PXK: variants seen among roughly 807,000 people sequenced by gnomAD.
PXK encodes the protein PX domain-containing protein kinase-like protein.
In PXK, 35 loss-of-function variants were observed where a neutral mutation model predicts 84.7. The observed-to-expected ratio is 0.41, with a 90% CI of 0.32 to 0.55. The LOEUF is 0.55. PXK is among the 20% of genes least tolerant of loss of function. The pLI is 0.21. For missense variants in PXK, 634 were observed against 699.7 expected, an observed-to-expected ratio of 0.91 and a Z score of 1.06; for synonymous variants, 253 against 260.8, an observed-to-expected ratio of 0.97 and a Z score of 0.29.
chr3:58,378,475 T>G, intron 3 of PXK, among the ~76,000 whole-genome samples: 1 of 147,702 alleles, frequency 6.8e-6, no homozygotes, highest in Non-Finnish European at 1.5e-5. Context: ...TCATTGGATT[T>G]GGACTTCATT....
chr3:58,382,829 G>A, intron 4 of PXK, 129 bp downstream of exon 4: 1 of 644,154 alleles, frequency 1.6e-6, no homozygotes, highest in Non-Finnish European at 2.4e-6. Flanking sequence ...AGCATATTAT[G>A]AATTTACTAA....
Position 58,382,768 on chromosome 3 carries a change from G to A in PXK, c.388+68G>A, listed in dbSNP as rs1207571067. 9.4e-6 allele frequency: 11 copies of A among 1,173,350 alleles called. No individual in the cohort carries two copies. In the South Asian group the frequency reaches 9.5e-5, roughly 10 times the overall value. The allele number at this position is 1,173,350 out of a possible 1,614,324, so 72.7% of individuals were successfully genotyped here. A position where few individuals can be genotyped will look rare whatever the true frequency, so the allele number is the denominator to read the frequency against. On this transcript the variant is annotated intron_variant, in intron 4 of 17. Coordinates refer to ENST00000356151, the MANE Select transcript of PXK (RefSeq NM_017771.5). ...GGCACTGTCCCTTGCTGGAGATAACGTATGTGGGAGAAATGTTTTCTCAAA... is the reference window on the plus strand; with the variant it reads ...GGCACTGTCCCTTGCTGGAGATAACATATGTGGGAGAAATGTTTTCTCAAA...
At chr3:58,338,444 G>A (rs754488324) in intron 1 of PXK, among the ~76,000 whole-genome samples, 14 of 151,214 alleles carry the variant, frequency 9.3e-5, no homozygotes, top group Admixed American at 5.3e-4. Context: ...CCAACGTGGT[G>A]AAACCCTGTC....
At chr3:58,353,827 G>A (rs1575855273) in intron 1 of PXK, among the ~76,000 whole-genome samples, 1 of 152,188 alleles carries the variant, frequency 6.6e-6, no homozygotes, top group African/African-American at 2.4e-5. Flanking sequence ...AGGAGGGTTT[G>A]CATGGGAAGA....
At chr3:58,420,916 T>C (rs1182433415) in intron 17 of PXK, 3 of 1,118,744 alleles carry the variant, frequency 2.7e-6, no homozygotes, top group Non-Finnish European at 3.3e-6. Flanking sequence ...AAAATGTTGA[T>C]TCCTAGTTAC....
chr3:58,409,892 C>T lies in PXK; in HGVS notation c.1396-198C>T, dbSNP rs2059944435. ...AACGATTGGCCTGAGATAGTAAAGT[C>T]AGCATTTTTTGTTTTATTTCTGCCT... On this transcript the variant is annotated intron_variant, in intron 15 of 17. Transcript: ENST00000356151. The surrounding 1 kb of genome is among the most constrained non-coding windows in gnomAD (Gnocchi z 4.2). Among the ~76,000 whole-genome samples, 1 of 152,124 alleles carries T rather than the reference C, an allele frequency of 6.6e-6. No individual in the cohort carries two copies. Among genetic ancestry groups the T allele is most frequent in the African/African-American group, 2.4e-5 (1 of 41,404 alleles).
In PXK at chr3:58,384,461, C is replaced by G. The variant is rs1261731374; in HGVS notation, c.388+1761C>G. ...TACCAAATGGAGCAGTGAGTTGTTA[C>G]AAGGATTCCATTCCTGCCTTCACTT... On this transcript the variant is annotated intron_variant, in intron 4 of 17. Coordinates refer to ENST00000356151, the MANE Select transcript of PXK (RefSeq NM_017771.5). Among the ~76,000 whole-genome samples the G allele has an allele frequency of 2.8e-5, 4 of 142,866 alleles. No individual in the cohort carries two copies. The East Asian group carries it at 8.3e-4, about 30-fold the overall frequency. The allele number at this position is 142,866 out of a possible 152,430, so 93.7% of individuals were successfully genotyped here. A position where few individuals can be genotyped will look rare whatever the true frequency, so the allele number is the denominator to read the frequency against.
At chr3:58,339,927 G>A (rs1362131528) in intron 1 of PXK, among the ~76,000 whole-genome samples, 1 of 151,888 alleles carries the variant, frequency 6.6e-6, no homozygotes, top group South Asian at 2.1e-4. Flanking sequence ...CGATTCTCCT[G>A]CGTCAGCCTC....
Position 58,412,750 on chromosome 3 carries a change from C to G in PXK, c.1466-151C>G. On this transcript the variant is annotated intron_variant, in intron 16 of 17. Transcript: ENST00000356151. This position sits in a 1 kb window ranked among gnomAD's most constrained non-coding sequence, Gnocchi z 6.2. ...GTAAAAGCCTGTCACTGGGTCCGGTCTCTGAGTTTTTTGTCCCTCATCATC... is the reference window on the plus strand; with the variant it reads ...GTAAAAGCCTGTCACTGGGTCCGGTGTCTGAGTTTTTTGTCCCTCATCATC... 7.9e-6 allele frequency: 6 copies of G among 754,958 alleles called. No homozygotes were observed. The highest frequency in any genetic ancestry group is 3.2e-5 in the South Asian group (2 of 61,576). 46.8% of individuals were successfully genotyped at this position (754,958 alleles called of 1,614,324 possible). A position where few individuals can be genotyped will look rare whatever the true frequency, so the allele number is the denominator to read the frequency against.
At chr3:58,423,591 G>C in intron 17 of PXK, 3 of 1,522,830 alleles carry the variant, frequency 2.0e-6, no homozygotes, top group Non-Finnish European at 1.8e-6. Context: ...TTCTGAGCCA[G>C]TCGTCCATAC....
At chr3:58,373,083 CT>C (rs71091374) in intron 3 of PXK, among the ~76,000 whole-genome samples, 142 of 139,172 alleles carry the variant, frequency 1.0e-3, no homozygotes, top group Admixed American at 1.5e-3. Context: ...TCCGTCATTT[CT>C]TTTTTTTTTT....
At chr3:58,342,634 C>CAAAAAAAAAAAAAAAAAAAAAAA (rs71091369) in intron 1 of PXK, among the ~76,000 whole-genome samples, 3 of 113,464 alleles carry the variant, frequency 2.6e-5, no homozygotes, top group African/African-American at 3.2e-5. Flanking sequence ...GACTCTGTCT[C>CAAAAAAAAAAAAAAAAAAAAAAA]AAAAAAAAAA....
intron 12 of PXK, among the ~76,000 whole-genome samples, chr3:58,402,324 C>T (rs1381880341): frequency 6.8e-6 from 1 of 146,896 alleles, no homozygotes; most frequent in Non-Finnish European, 1.5e-5. Context: ...ATCTTAAACT[C>T]CTGAGCTCAA....
At chr3:58,355,412 T>C (rs2098053107) in intron 1 of PXK, among the ~76,000 whole-genome samples, 2 of 152,224 alleles carry the variant, frequency 1.3e-5, no homozygotes, top group Admixed American at 1.3e-4. Flanking sequence ...GAGAATTACG[T>C]GGGCTAGGCT....
At chr3:58,368,640 A>C (rs1034914075) in intron 2 of PXK, among the ~76,000 whole-genome samples, 1 of 152,036 alleles carries the variant, frequency 6.6e-6, no homozygotes, top group Non-Finnish European at 1.5e-5. Context: ...AGGCCTTCTA[A>C]TCTCCTTTAG....
chr3:58,353,036 A>G (rs1038373923), intron 1 of PXK, among the ~76,000 whole-genome samples: 4 of 151,688 alleles, frequency 2.6e-5, no homozygotes, highest in African/African-American at 7.3e-5. Context: ...TTGCTCTGTC[A>G]CCCAGGCTGG....
intron 1 of PXK, among the ~76,000 whole-genome samples, chr3:58,339,815 A>AT (rs766660671): frequency 1.6e-4 from 24 of 147,974 alleles, no homozygotes; most frequent in East Asian, 6.0e-4. Flanking sequence ...CAATATATAG[A>AT]TTTTTTTTTC....
intron 17 of PXK, chr3:58,423,331 T>G (rs2062232060): frequency 6.9e-7 from 1 of 1,456,412 alleles, no homozygotes. Context: ...ATTCATCAGT[T>G]GTTATTGTGT....
chr3:58,397,795 C>A lies in PXK; in HGVS notation c.1102+73C>A. Reference sequence around the variant, plus strand: ...AGCCACTCATCCCCTTTCCAGAGTCCAGGAAAGACCCAGAGGAAGTTGCTG... The same window carrying A: ...AGCCACTCATCCCCTTTCCAGAGTCAAGGAAAGACCCAGAGGAAGTTGCTG... On this transcript the variant is annotated intron_variant, in intron 11 of 17. Coordinates refer to ENST00000356151, the MANE Select transcript of PXK (RefSeq NM_017771.5). The surrounding 1 kb of genome is among the most constrained non-coding windows in gnomAD (Gnocchi z 4.7). 1 of 1,238,232 alleles carries A rather than the reference C, an allele frequency of 8.1e-7. No homozygotes were observed. The highest frequency in any genetic ancestry group is 1.2e-6 in the Non-Finnish European group (1 of 862,254). 76.7% of individuals were successfully genotyped at this position (1,238,232 alleles called of 1,614,324 possible).
Sources: allele counts gnomAD v4.1 joint callset (sites outside exome capture counted in the v4.1 genomes callset), GRCh38; gene constraint gnomAD v4.1.1; non-coding constraint Gnocchi (gnomAD v3.1); transcripts MANE v1.5; gene names NCBI Gene and HGNC (gene_info 2026-07-23, HGNC 2026-07-21).